Variants in KDM2A observed in about 807,000 individuals in gnomAD.
The protein encoded by KDM2A is lysine demethylase 2A.
A neutral mutation model predicts 137.3 loss-of-function variants in KDM2A; 3 were observed. That is an observed-to-expected ratio of 0.02 (90% confidence interval 0.01 to 0.06). KDM2A has a LOEUF of 0.06. KDM2A is among the 10% of genes least tolerant of loss of function. The probability of loss-of-function intolerance (pLI) is 1.00; values close to 1 mark genes in which losing one functional copy is unlikely to be tolerated. For missense variants in KDM2A, 738 were observed against 1,510.6 expected, an observed-to-expected ratio of 0.49 and a Z score of 8.48; for synonymous variants, 512 against 541.5, an observed-to-expected ratio of 0.95 and a Z score of 0.76.
Position 67,250,151 on chromosome 11 carries a change from C to A in KDM2A, c.2121C>A (p.Ser707Arg). The change falls in exon 17 of 21, where the codon AGC becomes AGA. Residue 707 changes from serine to arginine, a missense_variant. By Grantham distance (110) the Ser-to-Arg change is moderately radical. Around this residue, in one of 9 missense-constraint regions of KDM2A, gnomAD observed 244 missense variants for 324.6 expected, o/e 0.75. Transcript: ENST00000529006. This position sits in a 1 kb window ranked among gnomAD's most constrained non-coding sequence, Gnocchi z 7.1. ...VQAKVLRPLR[S>R]CDEPLTPPPH... Reference sequence around the variant, plus strand: ...CCAAAGTCCTGCGGCCCCTGCGGAGCTGCGATGAGCCTCTCACGCCCCCGC... The same window carrying A: ...CCAAAGTCCTGCGGCCCCTGCGGAGATGCGATGAGCCTCTCACGCCCCCGC... The A allele has an allele frequency of 6.2e-7, 1 of 1,613,360 alleles. No homozygotes were observed. The highest frequency in any genetic ancestry group is 8.5e-7 in the Non-Finnish European group (1 of 1,179,594).
chr11:67,235,062 G>A (rs1005420365), intron 12 of KDM2A, among the ~76,000 whole-genome samples: 19 of 149,492 alleles, frequency 1.3e-4, no homozygotes, highest in Admixed American at 1.1e-3. Flanking sequence ...GGAGAATGGC[G>A]TGAACCCGGG....
intron 6 of KDM2A, among the ~76,000 whole-genome samples, chr11:67,210,272 G>A (rs1392315356): frequency 1.3e-5 from 2 of 151,906 alleles, no homozygotes; most frequent in Non-Finnish European, 2.9e-5. Context: ...TGAGGCAGGA[G>A]GATTGCTTGA....
chr11:67,121,382 C>T (rs1855594385), intron 2 of KDM2A, 24 bp downstream of exon 2: 2 of 1,606,546 alleles, frequency 1.2e-6, no homozygotes, highest in Non-Finnish European at 1.7e-6. Flanking sequence ...CCCCCCACCA[C>T]ACCCTCCAGT....
intron 2 of KDM2A, among the ~76,000 whole-genome samples, chr11:67,170,152 A>C (rs1856847591): frequency 6.6e-6 from 1 of 152,154 alleles, no homozygotes; most frequent in Non-Finnish European, 1.5e-5. Flanking sequence ...AAATGTACCG[A>C]GTTCAAACAC....
intron 10 of KDM2A, among the ~76,000 whole-genome samples, chr11:67,220,855 A>G (rs1858323898): frequency 6.6e-6 from 1 of 152,200 alleles, no homozygotes; most frequent in South Asian, 2.1e-4. Flanking sequence ...TAACTTTAAC[A>G]TGTCACAGAA....
intron 10 of KDM2A, among the ~76,000 whole-genome samples, chr11:67,226,476 A>C (rs993071181): frequency 6.6e-6 from 1 of 152,160 alleles, no homozygotes; most frequent in African/African-American, 2.4e-5. Context: ...TAATCCCAGA[A>C]CTTTGGGAGG....
intron 12 of KDM2A, among the ~76,000 whole-genome samples, chr11:67,234,836 G>C (rs906048473): frequency 6.6e-6 from 1 of 152,130 alleles, no homozygotes; most frequent in African/African-American, 2.4e-5. Context: ...CTGGGCAAAA[G>C]AGTGAGACCT....
chr11:67,169,410 G>A lies in KDM2A; in HGVS notation c.43-10669G>A, dbSNP rs999090497. ...TTTTTTTTTTTTGAGATGAAGTTTC[G>A]CTCCTGTTGCCCAGGCTGAAATGCA... is the stretch of plus-strand genomic sequence containing the variant. On this transcript the variant is annotated intron_variant, in intron 2 of 20. Coordinates refer to ENST00000529006, the MANE Select transcript of KDM2A (RefSeq NM_012308.3). 2.0e-4 allele frequency among the ~76,000 whole-genome samples: 26 copies of A among 128,270 alleles called. No homozygotes were observed. In the South Asian group the frequency reaches 2.1e-3, roughly 11 times the overall value. 84.2% of individuals were successfully genotyped at this position (128,270 alleles called of 152,430 possible). A position where few individuals can be genotyped will look rare whatever the true frequency, so the allele number is the denominator to read the frequency against.
chr11:67,159,215 A>G (rs933326400), intron 2 of KDM2A, among the ~76,000 whole-genome samples: 12 of 152,024 alleles, frequency 7.9e-5, no homozygotes, highest in Admixed American at 3.3e-4. Context: ...TAGTGTTTAG[A>G]TTTATTTAGT....
chr11:67,211,613 CAAAAAAAAAAA>C (rs377116306), intron 6 of KDM2A, among the ~76,000 whole-genome samples: 12 of 50,260 alleles, frequency 2.4e-4, no homozygotes, highest in South Asian at 2.7e-3. Flanking sequence ...GACCCTGTCT[CAAAAAAAAAAA>C]AAAAAAAAAA....
At chr11:67,132,735 A>G (rs570630743) in intron 2 of KDM2A, among the ~76,000 whole-genome samples, 2 of 152,326 alleles carry the variant, frequency 1.3e-5, no homozygotes, top group Middle Eastern at 3.4e-3. Flanking sequence ...AGTGGTTTTC[A>G]AAGTGTAGGT....
intron 2 of KDM2A, among the ~76,000 whole-genome samples, chr11:67,146,267 A>C (rs1430883313): frequency 6.6e-6 from 1 of 151,860 alleles, no homozygotes; most frequent in African/African-American, 2.4e-5. Flanking sequence ...TGCTGGGATT[A>C]CAGGCATGAG....
At chr11:67,201,772 C>CAAAAAAAAAAAAAAAAAAAAAAAAAAAAA (rs71056184) in intron 5 of KDM2A, among the ~76,000 whole-genome samples, 1 of 37,818 alleles carries the variant, frequency 2.6e-5, no homozygotes, top group African/African-American at 1.2e-4. Flanking sequence ...GACTCCATCT[C>CAAAAAAAAAAAAAAAAAAAAAAAAAAAAA]AAAAAAAAAA....
intron 6 of KDM2A, among the ~76,000 whole-genome samples, chr11:67,209,304 G>T (rs1857906342): frequency 6.6e-6 from 1 of 152,072 alleles, no homozygotes; most frequent in Admixed American, 6.6e-5. Flanking sequence ...CAGGTGGTTA[G>T]AATTTAGCCT....
In KDM2A at chr11:67,245,978, C is replaced by G; in HGVS notation, c.1834-7C>G. The G allele has an allele frequency of 6.2e-7, 1 of 1,613,838 alleles. No homozygotes were observed. Among genetic ancestry groups the G allele is most frequent in the South Asian group, 1.1e-5 (1 of 91,050 alleles). On this transcript the variant is annotated splice_region_variant and splice_polypyrimidine_tract_variant and intron_variant, in intron 14 of 20. Transcript: ENST00000529006. This position sits in a 1 kb window ranked among gnomAD's most constrained non-coding sequence, Gnocchi z 4.1. Reference sequence around the variant, plus strand: ...TTCTCTTGGATTCTATCTTTGTCCTCTTGTAGCCCAGACTGCCTCACTCAG... The same window carrying G: ...TTCTCTTGGATTCTATCTTTGTCCTGTTGTAGCCCAGACTGCCTCACTCAG...
At chr11:67,171,003 T>C (rs1351246770) in intron 2 of KDM2A, among the ~76,000 whole-genome samples, 3 of 152,174 alleles carry the variant, frequency 2.0e-5, no homozygotes, top group South Asian at 2.1e-4. Context: ...TTCCTTGCTT[T>C]GGTAAAGAGG....
chr11:67,191,488 A>G (rs1857353280), intron 5 of KDM2A, among the ~76,000 whole-genome samples: 1 of 152,236 alleles, frequency 6.6e-6, no homozygotes, highest in East Asian at 1.9e-4. Flanking sequence ...TATTAAAAGG[A>G]TTATACACCA....
chr11:67,170,408 C>CTTTTTTTTTTTTTTTTTTTTTTTTTTTT (rs923665021), intron 2 of KDM2A, among the ~76,000 whole-genome samples: 1 of 92,840 alleles, frequency 1.1e-5, no homozygotes, highest in African/African-American at 4.6e-5. Flanking sequence ...TTCTTTCTTT[C>CTTTTTTTTTTTTTTTTTTTTTTTTTTTT]TTTTTTTTTT....
chr11:67,178,642 T>C (rs917853111), intron 2 of KDM2A, among the ~76,000 whole-genome samples: 2 of 152,206 alleles, frequency 1.3e-5, no homozygotes, highest in African/African-American at 2.4e-5. Context: ...TCATACAATA[T>C]GTGGTCTTTT....
Sources: allele counts gnomAD v4.1 joint callset (sites outside exome capture counted in the v4.1 genomes callset), GRCh38; gene constraint gnomAD v4.1.1; regional missense constraint gnomAD v4.1.1; non-coding constraint Gnocchi (gnomAD v3.1); transcripts MANE v1.5; gene names NCBI Gene and HGNC (gene_info 2026-07-23, HGNC 2026-07-21).